Variants in PPP1R16B observed in about 807,000 individuals in gnomAD.
PPP1R16B encodes the protein protein phosphatase 1 regulatory inhibitor subunit 16B.
Under a neutral mutation model 61.7 loss-of-function variants are expected in PPP1R16B, and 14 were observed. The ratio of observed to expected loss-of-function variants is 0.23; its 90% CI spans 0.15 to 0.35. PPP1R16B has a LOEUF of 0.35. Ranked by LOEUF, PPP1R16B falls within the 10% of genes least tolerant of loss-of-function variation. PPP1R16B has a pLI of 1.00. For missense variants in PPP1R16B, 547 were observed against 752.5 expected, an observed-to-expected ratio of 0.73 and a Z score of 3.19; for synonymous variants, 266 against 305.3, an observed-to-expected ratio of 0.87 and a Z score of 1.34.
intron 4 of PPP1R16B, among the ~76,000 whole-genome samples, chr20:38,899,417 AAC>A (rs1255264992): frequency 6.6e-6 from 1 of 152,192 alleles, no homozygotes; most frequent in Admixed American, 6.5e-5. Flanking sequence ...ATGGGTTTAA[AAC>A]AGATTCCCAT....
At chr20:38,812,095 T>C (rs1328284874) in intron 1 of PPP1R16B, among the ~76,000 whole-genome samples, 2 of 152,164 alleles carry the variant, frequency 1.3e-5, no homozygotes, top group Non-Finnish European at 2.9e-5. Context: ...GAGATTTAGA[T>C]GAACTTGAAT....
At position 38,922,916 on chromosome 20, in the gene PPP1R16B, A is replaced by G. The variant is rs1429791049; in HGVS notation, c.*4250A>G. ...GGGTCCAAAACTGTGGCTCAGCCAC[A>G]TCCCAAAGGGGGCACATGTCCCTGG... On this transcript the variant is annotated 3_prime_UTR_variant, in exon 11 of 11. Transcript: ENST00000299824. 1 of 152,382 alleles carries G rather than the reference A, an allele frequency of 6.6e-6. No individual in the cohort carries two copies. The highest frequency in any genetic ancestry group is 6.5e-5 in the Admixed American group (1 of 15,288). The allele number at this position is 152,382 out of a possible 1,614,324, so 9.4% of individuals were successfully genotyped here.
At chr20:38,840,050 C>T (rs1425120325) in intron 2 of PPP1R16B, among the ~76,000 whole-genome samples, 1 of 152,168 alleles carries the variant, frequency 6.6e-6, no homozygotes, top group African/African-American at 2.4e-5. Flanking sequence ...GTGGCAGGCT[C>T]GTGGGTTGGT....
chr20:38,820,213 TA>T (rs1473516231), intron 1 of PPP1R16B, among the ~76,000 whole-genome samples: 1 of 152,244 alleles, frequency 6.6e-6, no homozygotes, highest in Non-Finnish European at 1.5e-5. Context: ...ACTTTGCGTC[TA>T]TTAGAAATAG....
chr20:38,852,314 A>G (rs1216012109), intron 2 of PPP1R16B, among the ~76,000 whole-genome samples: 1 of 152,244 alleles, frequency 6.6e-6, no homozygotes, highest in Non-Finnish European at 1.5e-5. Flanking sequence ...CTACAAGCAC[A>G]GAATGAGTTG....
rs181267605 is a variant in PPP1R16B at position 38,911,640 on chromosome 20, G to A, written c.1194+3447G>A. On this transcript the variant is annotated intron_variant, in intron 10 of 10. Coordinates refer to ENST00000299824, the MANE Select transcript of PPP1R16B (RefSeq NM_015568.4). ...CAACCTCTGCCTCCCAGGATCAAGC[G>A]ATTCTCCTGCCTCAGCCTCCTGAGT... Among the ~76,000 whole-genome samples, 74 of 150,458 alleles carry A rather than the reference G, an allele frequency of 4.9e-4. No individual in the cohort carries two copies. The East Asian group carries it at 0.012, about 25-fold the overall frequency.
chr20:38,869,612 G>A (rs2085113256), intron 2 of PPP1R16B, among the ~76,000 whole-genome samples: 1 of 152,160 alleles, frequency 6.6e-6, no homozygotes, highest in Admixed American at 6.6e-5. Flanking sequence ...AGTCATTTTA[G>A]TGGGTGTGAA....
At chr20:38,814,696 C>G (rs1199370587) in intron 1 of PPP1R16B, among the ~76,000 whole-genome samples, 3 of 152,164 alleles carry the variant, frequency 2.0e-5, no homozygotes, top group Admixed American at 2.0e-4. Context: ...CACTAGGTTA[C>G]TTATGGCCAT....
rs760522412 is a variant in PPP1R16B at position 38,906,984 on chromosome 20, G to T, written c.828G>T (p.Gln276His). Residue 276 changes from glutamine to histidine, a missense_variant, in exon 8 of 11, where the codon CAG (glutamine) becomes CAT (histidine). Coordinates refer to ENST00000299824, the MANE Select transcript of PPP1R16B (RefSeq NM_015568.4). The part of the protein sequence containing the change: ...LHAAAFWGQM[Q>H]MAELLVSHGA... ...AGCTTCTTCCTGTGTTTCAGATGCA[G>T]ATGGCAGAGCTATTGGTGTCCCATG... 6.2e-7 allele frequency: 1 copy of T among 1,613,870 alleles called. No individual in the cohort carries two copies. Among genetic ancestry groups the T allele is most frequent in the South Asian group, 1.1e-5 (1 of 91,068 alleles).
chr20:38,896,112 CTTCCTTCTTTCT>C (rs2085344084), intron 4 of PPP1R16B, among the ~76,000 whole-genome samples: 1 of 116,168 alleles, frequency 8.6e-6, no homozygotes, highest in Admixed American at 8.8e-5. Context: ...TCTCCCCTCC[CTTCCTTCTTTCT>C]TCCCTTCCTC....
At chr20:38,862,622 G>C (rs2085060376) in intron 2 of PPP1R16B, among the ~76,000 whole-genome samples, 1 of 152,202 alleles carries the variant, frequency 6.6e-6, no homozygotes, top group South Asian at 2.1e-4. Flanking sequence ...TAATGGATGG[G>C]CCTCATCATC....
intron 1 of PPP1R16B, 62 bp downstream of exon 1, chr20:38,805,854 G>A (rs1221636824): frequency 6.6e-6 from 1 of 152,464 alleles, no homozygotes; most frequent in African/African-American, 2.4e-5. Flanking sequence ...GGCGGGGGAT[G>A]AGGATGGGGC....
intron 2 of PPP1R16B, among the ~76,000 whole-genome samples, chr20:38,846,547 A>T (rs1303559776): frequency 6.6e-6 from 1 of 152,210 alleles, no homozygotes; most frequent in Non-Finnish European, 1.5e-5. Context: ...ATTTTGTCTT[A>T]TCTTTATATA....
intron 2 of PPP1R16B, among the ~76,000 whole-genome samples, chr20:38,867,005 A>G (rs1221340349): frequency 6.6e-6 from 1 of 152,138 alleles, no homozygotes; most frequent in Non-Finnish European, 1.5e-5. Flanking sequence ...TTCATATAAT[A>G]TGTGACTTTT....
chr20:38,875,722 G>C (rs963859301), intron 2 of PPP1R16B, among the ~76,000 whole-genome samples: 1 of 152,012 alleles, frequency 6.6e-6, no homozygotes, highest in Non-Finnish European at 1.5e-5. Context: ...GCTGCTTTCA[G>C]AGGGGAGAGG....
intron 10 of PPP1R16B, among the ~76,000 whole-genome samples, chr20:38,911,295 T>C (rs888350711): frequency 2.0e-5 from 3 of 151,462 alleles, no homozygotes; most frequent in Non-Finnish European, 2.9e-5. Context: ...GCCTCCCTAG[T>C]AGCTGGGACT....
intron 1 of PPP1R16B, among the ~76,000 whole-genome samples, chr20:38,826,463 TG>T (rs2145713352): frequency 6.6e-6 from 1 of 152,298 alleles, no homozygotes; most frequent in African/African-American, 2.4e-5. Flanking sequence ...TGGGCTTCCC[TG>T]GGTTCAAGTT....
chr20:38,853,064 G>A (rs1445553993), intron 2 of PPP1R16B, among the ~76,000 whole-genome samples: 2 of 151,940 alleles, frequency 1.3e-5, no homozygotes, highest in East Asian at 1.9e-4. Context: ...GACCCATTGC[G>A]CCCGGCCCCA....
In PPP1R16B at chr20:38,895,637, A is replaced by G. The variant is rs1750428203; in HGVS notation, c.394A>G (p.Asn132Asp). The G allele has an allele frequency of 6.2e-7, 1 of 1,614,082 alleles. No individual in the cohort carries two copies. The highest frequency in any genetic ancestry group is 8.5e-7 in the Non-Finnish European group (1 of 1,179,938). The change falls in exon 4 of 11, where the codon AAC becomes GAC. Residue 132 changes from asparagine (N) to aspartate (D), a missense_variant. By Grantham distance (23) the Asn-to-Asp change is conservative (BLOSUM62 1). Coordinates refer to ENST00000299824, the MANE Select transcript of PPP1R16B (RefSeq NM_015568.4). ...TGGTGCCAATGTGAACGCCAAGGACAACGAGCTGTGGACACCTCTCCATGC... is the reference window on the plus strand; with the variant it reads ...TGGTGCCAATGTGAACGCCAAGGACGACGAGCTGTGGACACCTCTCCATGC... Reference protein sequence around the residue: ...SHGANVNAKDNELWTPLHAAA... With the variant: ...SHGANVNAKDDELWTPLHAAA...
Sources: gnomAD v4.1 joint callset for allele counts (sites outside exome capture counted in the v4.1 genomes callset) on GRCh38, gnomAD v4.1.1 for gene constraint, MANE v1.5 for transcripts, NCBI Gene and HGNC (gene_info 2026-07-23, HGNC 2026-07-21) for gene names.